CCT2: variants seen among roughly 807,000 people sequenced by gnomAD.
The protein encoded by CCT2 is T-complex protein 1 subunit beta.
Under a neutral mutation model 61.8 loss-of-function variants are expected in CCT2, and 18 were observed. The observed-to-expected ratio is 0.29, with a 90% confidence interval of 0.20 to 0.43. CCT2 has a LOEUF of 0.43. Ranked by LOEUF, CCT2 falls within the 20% of genes least tolerant of loss-of-function variation. The pLI is 1.00. For missense variants in CCT2, 556 were observed against 656.9 expected, an observed-to-expected ratio of 0.85 and a Z score of 1.68; for synonymous variants, 248 against 215.9, an observed-to-expected ratio of 1.15 and a Z score of -1.30.
intron 7 of CCT2, among the ~76,000 whole-genome samples, chr12:69,591,546 A>G (rs1393982951): frequency 2.0e-5 from 3 of 152,056 alleles, no homozygotes; most frequent in East Asian, 3.9e-4. Context: ...ATAGGACTTA[A>G]CCTATTGTCT....
Position 69,599,945 on chromosome 12 carries a change from T to C in CCT2, c.1518T>C (p.Ser506=). The C allele has an allele frequency of 6.2e-7, 1 of 1,613,982 alleles. No homozygotes were observed. Among genetic ancestry groups the C allele is most frequent in the Non-Finnish European group, 8.5e-7 (1 of 1,179,888 alleles). ...AAGTGAAGCGACAGGTTCTTCTGAG[T>C]GCAGCTGAAGCAGCAGAGGTGATTC... is the stretch of plus-strand genomic sequence containing the variant. ...SFQVKRQVLL[S]AAEAAEVILR... The change falls in exon 15 of 16, where the codon AGT becomes AGC. Residue 506 remains serine (S), a synonymous_variant. Coordinates refer to ENST00000299300, the MANE Select transcript of CCT2 (RefSeq NM_006431.3).
intron 7 of CCT2, among the ~76,000 whole-genome samples, chr12:69,589,959 A>G (rs1881785245): frequency 6.6e-6 from 1 of 152,206 alleles, no homozygotes; most frequent in African/African-American, 2.4e-5. Flanking sequence ...TTTACTAGAA[A>G]TCATCTATTC....
chr12:69,589,286 T>C (rs1881763901), intron 6 of CCT2, 199 bp from the exon 7 acceptor site: 6 of 576,980 alleles, frequency 1.0e-5, no homozygotes, highest in Non-Finnish European at 1.8e-5. Flanking sequence ...ACCCCTCTTT[T>C]TTTTTTGGCA....
Position 69,585,507 on chromosome 12 carries a change from G to A in CCT2, c.-15G>A, listed in dbSNP as rs1321527391. The A allele has an allele frequency of 2.6e-6, 4 of 1,565,932 alleles. No homozygotes were observed. The highest frequency in any genetic ancestry group is 3.5e-6 in the Non-Finnish European group (4 of 1,154,406). The stretch of plus-strand genomic sequence containing the variant: ...CTGTGAGGGGATTCACTTGTGTGCG[G>A]AACTCCTCGGAACCATGGTGAGCCT... On this transcript the variant is annotated 5_prime_UTR_variant, in exon 1 of 16. Transcript: ENST00000299300.
At position 69,601,438 on chromosome 12, in the gene CCT2, A is replaced by G; in HGVS notation, c.*113A>G. On this transcript the variant is annotated 3_prime_UTR_variant, in exon 16 of 16. Coordinates refer to ENST00000299300, the MANE Select transcript of CCT2 (RefSeq NM_006431.3). ...TTTATCGGTGCCCATTATATCCTTA[A>G]GTTTGGATATTTAGCTGACCTTCGC... The G allele has an allele frequency of 6.3e-7, 1 of 1,595,090 alleles. No individual in the cohort carries two copies. Among genetic ancestry groups the G allele is most frequent in the Non-Finnish European group, 8.5e-7 (1 of 1,172,614 alleles).
intron 7 of CCT2, among the ~76,000 whole-genome samples, chr12:69,591,044 T>C (rs1881821443): frequency 6.6e-6 from 1 of 152,064 alleles, no homozygotes; most frequent in Non-Finnish European, 1.5e-5. Context: ...TGATAGGGGC[T>C]GGTGGTAGGG....
intron 9 of CCT2, 24 bp from the exon 10 acceptor site, chr12:69,593,486 T>G (rs763503631): frequency 3.5e-6 from 5 of 1,426,748 alleles, no homozygotes; most frequent in Admixed American, 3.4e-5. Context: ...GTGAGCATAA[T>G]GTTTTCATGT....
rs1462393359 is a variant in CCT2 at position 69,598,302 on chromosome 12, T to A, written c.1336-20T>A. The A allele has an allele frequency of 6.5e-7, 1 of 1,534,016 alleles. No homozygotes were observed. Among genetic ancestry groups the A allele is most frequent in the African/African-American group, 1.4e-5 (1 of 72,234 alleles). On this transcript the variant is annotated intron_variant, in intron 13 of 15. Transcript: ENST00000299300. ...TCTTACAGTAGAGTGAGTAGTTACTTGTTTTCTTCATTTTCATAGTTGCCA... is the reference window on the plus strand; with the variant it reads ...TCTTACAGTAGAGTGAGTAGTTACTAGTTTTCTTCATTTTCATAGTTGCCA...
Position 69,585,701 on chromosome 12 carries a change from A to C in CCT2, c.3+177A>C, listed in dbSNP as rs368802453. 4.9e-4 allele frequency: 732 copies of C among 1,493,206 alleles called. 6 individuals carry two copies. The South Asian group carries it at 8.9e-3, about 18-fold the overall frequency. The allele number at this position is 1,493,206 out of a possible 1,614,324, so 92.5% of individuals were successfully genotyped here. ...TGCGCCAGGCCAGCCGGTGGAGCTC[A>C]CCACGAGGGGGAGGGGTGGACCGCA... On this transcript the variant is annotated intron_variant, in intron 1 of 15. Coordinates refer to ENST00000299300, the MANE Select transcript of CCT2 (RefSeq NM_006431.3).
At chr12:69,601,256 C>G in intron 15 of CCT2, 39 bp from the exon 16 acceptor site, 3 of 1,531,464 alleles carry the variant, frequency 2.0e-6, no homozygotes, top group Non-Finnish European at 2.7e-6. Context: ...AAATCATGCT[C>G]TTCATTTTTC....
In CCT2 at chr12:69,601,474, G is replaced by T. The variant is rs1164626329; in HGVS notation, c.*149G>T. On this transcript the variant is annotated 3_prime_UTR_variant, in exon 16 of 16. Coordinates refer to ENST00000299300, the MANE Select transcript of CCT2 (RefSeq NM_006431.3). ...TTAGCTGACCTTCGCTTTAACATAGGTCTAATTTATTTGCCGTGTCATTTT... is the reference window on the plus strand; with the variant it reads ...TTAGCTGACCTTCGCTTTAACATAGTTCTAATTTATTTGCCGTGTCATTTT... The T allele has an allele frequency of 6.6e-7, 1 of 1,520,182 alleles. No individual in the cohort carries two copies. The highest frequency in any genetic ancestry group is 2.4e-5 in the East Asian group (1 of 41,684). 94.2% of individuals were successfully genotyped at this position (1,520,182 alleles called of 1,614,324 possible).
Position 69,586,774 on chromosome 12 carries a change from G to A in CCT2, c.100G>A (p.Ala34Thr), listed in dbSNP as rs747763186. The change falls in exon 3 of 16, where the codon GCC becomes ACC. Residue 34 changes from alanine to threonine, a missense_variant. Ala to Thr is a moderately conservative substitution (Grantham distance 58, BLOSUM62 0). Coordinates refer to ENST00000299300, the MANE Select transcript of CCT2 (RefSeq NM_006431.3). Reference protein sequence around the residue: ...ARLTSFIGAIAIGDLVKSTLG... With the variant: ...ARLTSFIGAITIGDLVKSTLG... ...CCAGACTTCTTTTATTGGTGCCATC[G>A]CCATTGGAGACTTGGTAAAGAGCAC... 17 of 1,600,170 alleles carry A rather than the reference G, an allele frequency of 1.1e-5. No individual in the cohort carries two copies. The highest frequency in any genetic ancestry group is 8.7e-5 in the Admixed American group (5 of 57,324).
chr12:69,593,712 C>T, intron 10 of CCT2, 99 bp downstream of exon 10: 2 of 679,882 alleles, frequency 2.9e-6, no homozygotes, highest in South Asian at 1.9e-5. Context: ...TTTAGAATTT[C>T]AGCAGTTATT....
At chr12:69,596,470 T>G (rs1881997027) in intron 10 of CCT2, among the ~76,000 whole-genome samples, 1 of 152,222 alleles carries the variant, frequency 6.6e-6, no homozygotes, top group Non-Finnish European at 1.5e-5. Context: ...GCTGACCTGT[T>G]CAGTTTACAG....
At position 69,585,492 on chromosome 12, in the gene CCT2, A is replaced by G. The variant is rs763404110; in HGVS notation, c.-30A>G. The G allele has an allele frequency of 6.4e-7, 1 of 1,561,662 alleles. No homozygotes were observed. The highest frequency in any genetic ancestry group is 1.9e-5 in the Admixed American group (1 of 52,312). ...GGTCCCGAGCACGAGCTGTGAGGGG[A>G]TTCACTTGTGTGCGGAACTCCTCGG... On this transcript the variant is annotated 5_prime_UTR_variant, in exon 1 of 16. Transcript: ENST00000299300.
chr12:69,587,382 T>C (rs748956290), intron 3 of CCT2, 123 bp from the exon 4 acceptor site: 6 of 593,432 alleles, frequency 1.0e-5, no homozygotes, highest in South Asian at 2.4e-5. Flanking sequence ...ATTTGATGAA[T>C]GGATACCACA....
In CCT2 at chr12:69,597,818, TAA is replaced by T. The variant is rs144607186; in HGVS notation, c.1231+53_1231+54del. The T allele has an allele frequency of 4.4e-4, 665 of 1,523,924 alleles. 13 individuals are homozygous for T. The East Asian group carries it at 0.015, about 35-fold the overall frequency. 94.4% of individuals were successfully genotyped at this position (1,523,924 alleles called of 1,614,324 possible). A position where few individuals can be genotyped will look rare whatever the true frequency, so the allele number is the denominator to read the frequency against. Reference sequence around the variant, plus strand: ...ATTTTTAATTTCTTAAAGTACAATATAAGTCATAAGTGGTTTTAATGGTTCTT... The same window carrying T: ...ATTTTTAATTTCTTAAAGTACAATATGTCATAAGTGGTTTTAATGGTTCTT... On this transcript the variant is annotated intron_variant, in intron 12 of 15. Transcript: ENST00000299300.
At chr12:69,597,933 G>A in intron 12 of CCT2, 35 bp from the exon 13 acceptor site, 1 of 1,538,798 alleles carries the variant, frequency 6.5e-7, no homozygotes, top group South Asian at 1.1e-5. Flanking sequence ...AGACAACTAA[G>A]CATTGCAATA....
At chr12:69,598,979 AGAG>A (rs1565802774) in intron 14 of CCT2, among the ~76,000 whole-genome samples, 1 of 152,206 alleles carries the variant, frequency 6.6e-6, no homozygotes, top group South Asian at 2.1e-4. Context: ...TCTCACAAGA[AGAG>A]AAGTTGGGTA....
Sources: gnomAD v4.1 joint callset for allele counts (sites outside exome capture counted in the v4.1 genomes callset) on GRCh38, gnomAD v4.1.1 for gene constraint, MANE v1.5 for transcripts, NCBI Gene and HGNC (gene_info 2026-07-23, HGNC 2026-07-21) for gene names.